The following AGBL4 variants were observed in gnomAD, a reference collection of about 807,000 sequenced individuals.
AGBL4 encodes the protein AGBL carboxypeptidase 4.
A neutral mutation model predicts 66.4 loss-of-function variants in AGBL4; 58 were observed. The ratio of observed to expected loss-of-function variants is 0.87; its 90% confidence interval spans 0.71 to 1.09. The LOEUF (loss-of-function observed/expected upper bound fraction) is 1.09. Among genes scored for constraint, AGBL4 ranks in the 50% least tolerant of loss-of-function variants. The pLI, the probability that AGBL4 is intolerant of heterozygous loss-of-function variation, is 0.00. For synonymous variants in AGBL4, 234 were observed against 222.9 expected (o/e 1.05, Z -0.44); for missense variants, 579 against 631.0 (o/e 0.92, Z 0.88).
intron 2 of AGBL4, among the ~76,000 whole-genome samples, chr1:49,738,296 C>G (rs1165456249): frequency 6.6e-6 from 1 of 152,178 alleles, no homozygotes; most frequent in Non-Finnish European, 1.5e-5. Flanking sequence ...GCCCACGGAG[C>G]CCCGCTCATT....
intron 6 of AGBL4, among the ~76,000 whole-genome samples, chr1:48,794,319 T>C (rs917464679): frequency 6.6e-6 from 1 of 152,176 alleles, no homozygotes; most frequent in South Asian, 2.1e-4. Flanking sequence ...CCTTCCTATA[T>C]GCACTTACAC....
At chr1:49,116,550 T>A (rs1197673329) in intron 4 of AGBL4, among the ~76,000 whole-genome samples, 1 of 152,218 alleles carries the variant, frequency 6.6e-6, no homozygotes, top group Non-Finnish European at 1.5e-5. Flanking sequence ...GGACATGAAC[T>A]CATCCTTCAT....
intron 6 of AGBL4, among the ~76,000 whole-genome samples, chr1:48,849,052 G>A (rs768013696): frequency 1.3e-4 from 20 of 152,208 alleles, no homozygotes; most frequent in Non-Finnish European, 2.2e-4. Flanking sequence ...CCCAGCTTCT[G>A]CAAAAGTTAA....
chr1:49,019,616 C>T (rs568066268), intron 5 of AGBL4, among the ~76,000 whole-genome samples: 4 of 152,230 alleles, frequency 2.6e-5, no homozygotes, highest in Non-Finnish European at 4.4e-5. Context: ...TACTAAGTGA[C>T]GAGAAAGAAA....
intron 6 of AGBL4, among the ~76,000 whole-genome samples, chr1:48,695,855 G>A (rs1009250793): frequency 7.9e-5 from 12 of 152,106 alleles, no homozygotes; most frequent in African/African-American, 2.9e-4. Flanking sequence ...GTAAGTACTA[G>A]CCTAGACCAC....
At chr1:48,927,842 A>G (rs1463701735) in intron 5 of AGBL4, among the ~76,000 whole-genome samples, 1 of 152,198 alleles carries the variant, frequency 6.6e-6, no homozygotes, top group Non-Finnish European at 1.5e-5. Context: ...TGGTATTCCC[A>G]TGAAATCCAT....
chr1:49,672,740 G>C (rs906774590), intron 3 of AGBL4, among the ~76,000 whole-genome samples: 1 of 151,696 alleles, frequency 6.6e-6, no homozygotes, highest in African/African-American at 2.4e-5. Context: ...GGCCAACATA[G>C]TGAAACCCCG....
intron 3 of AGBL4, among the ~76,000 whole-genome samples, chr1:49,568,639 C>T (rs534539939): frequency 6.6e-6 from 1 of 151,520 alleles, no homozygotes; most frequent in East Asian, 1.9e-4. Flanking sequence ...CTTCATAGAA[C>T]TAAAAAAAAA....
At chr1:49,130,566 AGG>A (rs1476839170) in intron 4 of AGBL4, among the ~76,000 whole-genome samples, 1 of 152,182 alleles carries the variant, frequency 6.6e-6, no homozygotes, top group Non-Finnish European at 1.5e-5. Flanking sequence ...TTTATTAAAT[AGG>A]GAATCCTTTC....
At chr1:48,821,454 G>T (rs1393491654) in intron 6 of AGBL4, among the ~76,000 whole-genome samples, 1 of 152,138 alleles carries the variant, frequency 6.6e-6, no homozygotes, top group African/African-American at 2.4e-5. Context: ...AACATGGATG[G>T]ATCTGGAGAC....
intron 3 of AGBL4, among the ~76,000 whole-genome samples, chr1:49,504,935 T>C (rs1648539573): frequency 6.6e-6 from 1 of 152,010 alleles, no homozygotes; most frequent in Non-Finnish European, 1.5e-5. Flanking sequence ...ATTTCTCTCT[T>C]ACTGTCTTCC....
At chr1:48,662,284 A>G (rs112296320) in intron 7 of AGBL4, among the ~76,000 whole-genome samples, 12,082 of 152,212 alleles carry the variant, frequency 0.079, 1,552 homozygotes, top group African/African-American at 0.27. Context: ...CAGCTTCGTA[A>G]CAGCCTGCCT....
At chr1:49,718,680 C>T (rs950602941) in intron 2 of AGBL4, among the ~76,000 whole-genome samples, 1 of 151,922 alleles carries the variant, frequency 6.6e-6, no homozygotes, top group African/African-American at 2.4e-5. Flanking sequence ...TAAATGTTGG[C>T]TTATTTTCTA....
At chr1:49,104,268 G>A (rs979900525) in intron 4 of AGBL4, among the ~76,000 whole-genome samples, 4 of 152,098 alleles carry the variant, frequency 2.6e-5, no homozygotes, top group African/African-American at 4.8e-5. Flanking sequence ...CTGGATTATG[G>A]CATTTTAAGT....
At chr1:49,466,514 G>C (rs747358995) in intron 3 of AGBL4, among the ~76,000 whole-genome samples, 1 of 151,750 alleles carries the variant, frequency 6.6e-6, no homozygotes, top group Non-Finnish European at 1.5e-5. Context: ...GTGCAGTGCC[G>C]AAACCATCAG....
At chr1:49,845,732 C>A in intron 2 of AGBL4, 2 of 1,592,328 alleles carry the variant, frequency 1.3e-6, no homozygotes, top group Non-Finnish European at 1.7e-6. Flanking sequence ...AGGATTTACA[C>A]GGGAGAGAAG....
chr1:48,885,935 AACTAC>A (rs1224130445), intron 5 of AGBL4, among the ~76,000 whole-genome samples: 2 of 152,226 alleles, frequency 1.3e-5, no homozygotes, highest in African/African-American at 4.8e-5. Flanking sequence ...CACTGGGATG[AACTAC>A]ATACCTGGAT....
intron 6 of AGBL4, among the ~76,000 whole-genome samples, chr1:48,789,296 T>TA (rs1283147080): frequency 0.019 from 481 of 25,496 alleles, 1 homozygote; most frequent in African/African-American, 0.03. Context: ...ATATATATAT[T>TA]TTTTTTTTTT....
chr1:49,661,672 G>A (rs1051907293), intron 3 of AGBL4, among the ~76,000 whole-genome samples: 2 of 152,048 alleles, frequency 1.3e-5, no homozygotes, highest in Non-Finnish European at 2.9e-5. Flanking sequence ...TTCCTTTATA[G>A]CAATGCAAAA....
Sources: gnomAD v4.1 joint callset for allele counts (sites outside exome capture counted in the v4.1 genomes callset) on GRCh38, gnomAD v4.1.1 for gene constraint, MANE v1.5 for transcripts, NCBI Gene and HGNC (gene_info 2026-07-23, HGNC 2026-07-21) for gene names.